The following ARHGEF7 variants were observed in gnomAD, a reference collection of about 807,000 sequenced individuals.
ARHGEF7 encodes PAK-interacting exchange factor beta.
Under a neutral mutation model 109.8 loss-of-function variants are expected in ARHGEF7, and 33 were observed. The ratio of observed to expected loss-of-function variants is 0.30; its 90% CI spans 0.23 to 0.40. ARHGEF7 has a LOEUF of 0.40. Ranked by LOEUF, ARHGEF7 falls within the 10% of genes least tolerant of loss-of-function variation. The pLI, the probability that ARHGEF7 is intolerant of heterozygous loss-of-function variation, is 1.00. For synonymous variants in ARHGEF7, 458 were observed against 424.6 expected, an observed-to-expected ratio of 1.08 and a Z score of -0.97; for missense variants, 938 against 1,098.5, an observed-to-expected ratio of 0.85 and a Z score of 2.07.
At position 111,239,331 on chromosome 13, in the gene ARHGEF7, C is replaced by T. The variant is rs539490297; in HGVS notation, c.760-4541C>T. Among the ~76,000 whole-genome samples the T allele has an allele frequency of 3.3e-5, 5 of 152,264 alleles. No homozygotes were observed. Among genetic ancestry groups the T allele is most frequent in the South Asian group, 2.1e-4 (1 of 4,822 alleles). On this transcript the variant is annotated intron_variant, in intron 6 of 21. Transcript: ENST00000646102. The surrounding 1 kb of genome is among the most constrained non-coding windows in gnomAD (Gnocchi z 4.3). ...CTTTCTAATCTGTAAGTGTATAAAACGGTTATGTATCCTTAGATGCCATCA... is the reference window on the plus strand; with the variant it reads ...CTTTCTAATCTGTAAGTGTATAAAATGGTTATGTATCCTTAGATGCCATCA...
intron 4 of ARHGEF7, among the ~76,000 whole-genome samples, chr13:111,213,760 A>G (rs1179989772): frequency 6.6e-6 from 1 of 152,200 alleles, no homozygotes; most frequent in Non-Finnish European, 1.5e-5. Flanking sequence ...TAAAATAGTG[A>G]TGAAATCCAT....
At chr13:111,235,594 A>C (rs1390786539) in intron 6 of ARHGEF7, among the ~76,000 whole-genome samples, 1 of 152,288 alleles carries the variant, frequency 6.6e-6, no homozygotes, top group East Asian at 1.9e-4. Context: ...GAATTCATAG[A>C]GAATTGTCTT....
intron 6 of ARHGEF7, among the ~76,000 whole-genome samples, chr13:111,242,333 C>T (rs3858827): frequency 0.1 from 15,327 of 152,108 alleles, 858 homozygotes; most frequent in South Asian, 0.22. Context: ...AGTAACGACC[C>T]GGGTTGTCTT....
chr13:111,284,155 G>A (rs979016809), intron 16 of ARHGEF7, among the ~76,000 whole-genome samples: 5 of 152,116 alleles, frequency 3.3e-5, no homozygotes, highest in Admixed American at 6.5e-5. Flanking sequence ...TATCGTGCGC[G>A]TCAGTGTGAG....
intron 2 of ARHGEF7, among the ~76,000 whole-genome samples, chr13:111,158,378 C>A (rs2076501056): frequency 6.6e-6 from 1 of 152,298 alleles, no homozygotes; most frequent in African/African-American, 2.4e-5. Context: ...GTAAGGAAAC[C>A]ACAGCTCTTT....
intron 2 of ARHGEF7, among the ~76,000 whole-genome samples, chr13:111,181,194 C>A (rs1474149543): frequency 6.6e-6 from 1 of 152,142 alleles, no homozygotes; most frequent in African/African-American, 2.4e-5. Flanking sequence ...TAGTGTGGAT[C>A]ATGGTCAAGA....
intron 5 of ARHGEF7, among the ~76,000 whole-genome samples, chr13:111,224,249 C>G (rs2084890282): frequency 8.8e-6 from 1 of 113,474 alleles, no homozygotes; most frequent in Admixed American, 1.4e-4. Flanking sequence ...TTCCTAAATT[C>G]AAGGGAGAAG....
intron 8 of ARHGEF7, among the ~76,000 whole-genome samples, chr13:111,252,437 G>A (rs1472435317): frequency 6.6e-6 from 1 of 152,180 alleles, no homozygotes; most frequent in Non-Finnish European, 1.5e-5. Context: ...CACAGGCAGA[G>A]GCTTCTCCTT....
chr13:111,298,668 C>T (rs969752149), intron 19 of ARHGEF7, among the ~76,000 whole-genome samples: 1 of 152,210 alleles, frequency 6.6e-6, no homozygotes, highest in Non-Finnish European at 1.5e-5. Flanking sequence ...ATCTTCTGTC[C>T]GAAAAGTTAT....
intron 4 of ARHGEF7, among the ~76,000 whole-genome samples, chr13:111,212,651 A>C (rs1395911108): frequency 6.6e-6 from 1 of 152,202 alleles, no homozygotes; most frequent in Non-Finnish European, 1.5e-5. Context: ...TACGTCTGGC[A>C]CAGTCCTGAT....
chr13:111,219,324 A>G (rs2083527396), intron 5 of ARHGEF7, among the ~76,000 whole-genome samples: 1 of 152,234 alleles, frequency 6.6e-6, no homozygotes, highest in Admixed American at 6.5e-5. Flanking sequence ...GCTGTAGCAT[A>G]TGACAGAGTT....
At chr13:111,247,131 C>G (rs2088998770) in intron 8 of ARHGEF7, among the ~76,000 whole-genome samples, 1 of 152,150 alleles carries the variant, frequency 6.6e-6, no homozygotes, top group African/African-American at 2.4e-5. Flanking sequence ...AGCTATTTCT[C>G]TTCTTTTTAT....
chr13:111,251,612 G>A (rs1390996059), intron 8 of ARHGEF7, among the ~76,000 whole-genome samples: 4 of 152,208 alleles, frequency 2.6e-5, no homozygotes, highest in Non-Finnish European at 5.9e-5. Flanking sequence ...AAAAGCCACT[G>A]ACTTATAATC....
At chr13:111,268,300 TAGAG>T (rs1052526957) in intron 9 of ARHGEF7, among the ~76,000 whole-genome samples, 1 of 152,176 alleles carries the variant, frequency 6.6e-6, no homozygotes, top group Non-Finnish European at 1.5e-5. Flanking sequence ...CACCGGGGCT[TAGAG>T]AGCTCAGAGG....
chr13:111,164,521 G>A (rs2076979224), intron 2 of ARHGEF7, among the ~76,000 whole-genome samples: 1 of 152,212 alleles, frequency 6.6e-6, no homozygotes, highest in Non-Finnish European at 1.5e-5. Flanking sequence ...CTCTGCTGTT[G>A]CCATCAGAAA....
intron 21 of ARHGEF7, among the ~76,000 whole-genome samples, chr13:111,302,564 C>G (rs1331202107): frequency 1.3e-5 from 2 of 152,200 alleles, no homozygotes; most frequent in African/African-American, 2.4e-5. Context: ...CGAGACATGC[C>G]TGGGTTCAGC....
At chr13:111,136,630 C>T (rs1042769522) in intron 1 of ARHGEF7, among the ~76,000 whole-genome samples, 1 of 152,134 alleles carries the variant, frequency 6.6e-6, no homozygotes, top group Non-Finnish European at 1.5e-5. Context: ...TAAATGCCCA[C>T]AAGAGAAAGC....
chr13:111,199,611 C>G (rs111304117), intron 2 of ARHGEF7, among the ~76,000 whole-genome samples: 19 of 152,264 alleles, frequency 1.2e-4, no homozygotes, highest in African/African-American at 3.6e-4. Flanking sequence ...GGTGTTAGTT[C>G]AGGAGGTAAA....
chr13:111,300,808 A>C lies in ARHGEF7; in HGVS notation c.2372A>C (p.Glu791Ala). Residue 791 changes from glutamate to alanine, a missense_variant, in exon 20 of 22, where the codon GAA (glutamate) becomes GCA (alanine). By Grantham distance (107) the Glu-to-Ala change is moderately radical. Around this residue, in one of 4 missense-constraint regions of ARHGEF7, gnomAD observed 166 missense variants for 167.3 expected, o/e 0.99. Coordinates refer to ENST00000646102, the MANE Select transcript of ARHGEF7 (RefSeq NM_001354046.2). ...CCAGAAGAAGAGAAAATTATAGTGG[A>C]AGAAACTAAAAGTAATGGTCAGACA... ...LLPEEEKIIV[E>A]ETKSNGQTVI... The C allele has an allele frequency of 6.2e-7, 1 of 1,610,834 alleles. No homozygotes were observed. Among genetic ancestry groups the C allele is most frequent in the Non-Finnish European group, 8.5e-7 (1 of 1,178,144 alleles).
Sources: gnomAD v4.1 joint callset for allele counts (sites outside exome capture counted in the v4.1 genomes callset) on GRCh38, gnomAD v4.1.1 for gene constraint, gnomAD v4.1.1 regional missense constraint, Gnocchi (gnomAD v3.1) non-coding constraint, MANE v1.5 for transcripts, NCBI Gene and HGNC (gene_info 2026-07-23, HGNC 2026-07-21) for gene names.